The following NXPE1 variants were observed in gnomAD, a reference collection of about 807,000 sequenced individuals.
NXPE1 encodes neurexophilin and PC-esterase domain family member 1, also known as NXPE family member 1.
In NXPE1, 31 loss-of-function variants were observed where a neutral mutation model predicts 33.3. The ratio of observed to expected loss-of-function variants is 0.93; its 90% CI spans 0.70 to 1.26. The LOEUF is 1.26. Ranked by LOEUF, NXPE1 falls within the 50% of genes most tolerant of loss-of-function variation. The pLI is 0.00. For missense variants in NXPE1, 661 were observed against 655.6 expected, an observed-to-expected ratio of 1.01 and a Z score of -0.09; for synonymous variants, 229 against 231.4, an observed-to-expected ratio of 0.99 and a Z score of 0.09.
At chr11:114,554,167 A>G (rs918989607) in intron 1 of NXPE1, 2 of 985,300 alleles carry the variant, frequency 2.0e-6, no homozygotes, top group Non-Finnish European at 2.4e-6. Context: ...AGAGCCCGCT[A>G]GTTGTCTCTT....
At chr11:114,554,171 G>T (rs1203786101) in intron 1 of NXPE1, 2 of 985,208 alleles carry the variant, frequency 2.0e-6, no homozygotes, top group Non-Finnish European at 2.4e-6. Context: ...CCCGCTAGTT[G>T]TCTCTTTCAT....
At chr11:114,558,896 T>C (rs1948716315) in intron 1 of NXPE1, among the ~76,000 whole-genome samples, 1 of 152,206 alleles carries the variant, frequency 6.6e-6, no homozygotes, top group East Asian at 1.9e-4. Flanking sequence ...CAGTTGATTA[T>C]ATGTATAGCT....
chr11:114,524,049 A>G (rs957484452), intron 7 of NXPE1, among the ~76,000 whole-genome samples: 15 of 152,206 alleles, frequency 9.9e-5, no homozygotes, highest in Non-Finnish European at 2.1e-4. Flanking sequence ...TGTTGTGGCT[A>G]TGACATTCTT....
intron 5 of NXPE1, among the ~76,000 whole-genome samples, chr11:114,544,074 A>G (rs1295026999): frequency 1.3e-5 from 2 of 152,228 alleles, no homozygotes; most frequent in African/African-American, 4.8e-5. Flanking sequence ...TTAATGGAAG[A>G]AATTTTAAAA....
chr11:114,527,787 G>T, intron 7 of NXPE1, 53 bp downstream of exon 7: 1 of 1,251,070 alleles, frequency 8.0e-7, no homozygotes, highest in Non-Finnish European at 1.1e-6. Context: ...TTAGGTTAAT[G>T]CTGATAAAAG....
At chr11:114,532,053 C>G (rs1247855806) in intron 5 of NXPE1, among the ~76,000 whole-genome samples, 4 of 152,180 alleles carry the variant, frequency 2.6e-5, no homozygotes, top group African/African-American at 9.7e-5. Context: ...AGAATGATTA[C>G]AGACCAGTAG....
chr11:114,537,424 T>G (rs965123008), intron 5 of NXPE1, among the ~76,000 whole-genome samples: 4 of 152,180 alleles, frequency 2.6e-5, no homozygotes, highest in Non-Finnish European at 4.4e-5. Context: ...TTGGAAGTTC[T>G]GGCCAAGAAA....
intron 7 of NXPE1, 55 bp from the exon 8 acceptor site, chr11:114,523,146 CT>C (rs1457451299): frequency 7.8e-7 from 1 of 1,284,666 alleles, no homozygotes; most frequent in African/African-American, 1.5e-5. Context: ...GACATCTAGC[CT>C]TCTTTCCTGG....
At chr11:114,530,230 T>G in exon 6 of NXPE1, 1 of 1,613,780 alleles carries the variant, frequency 6.2e-7, no homozygotes, top group Non-Finnish European at 8.5e-7. Flanking sequence ...CTATTCCGGG[T>G]GGTCATGTAG....
chr11:114,531,977 C>T lies in NXPE1; in HGVS notation c.100-1069G>A, dbSNP rs565961710. 7.2e-5 allele frequency among the ~76,000 whole-genome samples: 11 copies of T among 152,318 alleles called. No individual in the cohort carries two copies. In the South Asian group the frequency reaches 2.3e-3, roughly 32 times the overall value. ...TAGATCAGCTGATTCATAATCACTA[C>T]ATTATGTTGTCCAGGAGTATGTTTT... On this transcript the variant is annotated intron_variant, in intron 5 of 8. Transcript: ENST00000534921.
chr11:114,527,506 G>T (rs1449458620), intron 7 of NXPE1, among the ~76,000 whole-genome samples: 2 of 152,134 alleles, frequency 1.3e-5, no homozygotes, highest in East Asian at 3.9e-4. Flanking sequence ...CAGAGAGTTA[G>T]GAAACCAAAA....
At chr11:114,557,068 A>G (rs1179408929) in intron 1 of NXPE1, among the ~76,000 whole-genome samples, 4 of 151,666 alleles carry the variant, frequency 2.6e-5, no homozygotes, top group Non-Finnish European at 5.9e-5. Flanking sequence ...AATTTTTTGT[A>G]GTTTTAGTAG....
At chr11:114,535,253 G>C (rs1037073798) in intron 5 of NXPE1, among the ~76,000 whole-genome samples, 1 of 152,142 alleles carries the variant, frequency 6.6e-6, no homozygotes, top group Non-Finnish European at 1.5e-5. Flanking sequence ...TCACCACCAG[G>C]CCTGCCCTAA....
Position 114,523,100 on chromosome 11 carries a change from A to G in NXPE1, c.896-9T>C. The G allele has an allele frequency of 6.3e-7, 1 of 1,597,324 alleles. No homozygotes were observed. The highest frequency in any genetic ancestry group is 1.1e-5 in the South Asian group (1 of 90,568). ...TTCTATTTTTTCTCTCTCTGGTAAC[A>G]AAGACACTCGTAAATGATTTTATTG... On this transcript the variant is annotated splice_polypyrimidine_tract_variant and intron_variant, in intron 7 of 8. Coordinates refer to ENST00000534921, the Ensembl canonical transcript of NXPE1.
downstream of NXPE1, among the ~76,000 whole-genome samples, chr11:114,520,985 G>C (rs1026403411): frequency 6.6e-6 from 1 of 152,184 alleles, no homozygotes; most frequent in Non-Finnish European, 1.5e-5. Context: ...CCATAGTAAA[G>C]TTCCAATCAA....
intron 7 of NXPE1, 110 bp downstream of exon 7, chr11:114,527,730 A>G (rs1024227096): frequency 3.1e-6 from 2 of 640,748 alleles, no homozygotes; most frequent in Non-Finnish European, 5.3e-6. Context: ...CATGATTGAC[A>G]TCATAGACAT....
intron 5 of NXPE1, among the ~76,000 whole-genome samples, chr11:114,541,204 A>G (rs1948088651): frequency 6.6e-6 from 1 of 152,152 alleles, no homozygotes; most frequent in Admixed American, 6.6e-5. Flanking sequence ...CGTGGTTTCC[A>G]CAACATAACA....
At chr11:114,521,746 A>G (rs1947215918) in exon 9 of NXPE1, 1 of 462,308 alleles carries the variant, frequency 2.2e-6, no homozygotes, top group Non-Finnish European at 3.8e-6. Flanking sequence ...AATATTTTAA[A>G]CGAGCATCAG....
intron 1 of NXPE1, among the ~76,000 whole-genome samples, chr11:114,554,601 C>CTTTGTA (rs1344949429): frequency 6.6e-6 from 1 of 152,044 alleles, no homozygotes; most frequent in Non-Finnish European, 1.5e-5. Flanking sequence ...TGCTAAATAA[C>CTTTGTA]AAAATTTAGC....
Sources: allele counts gnomAD v4.1 joint callset (sites outside exome capture counted in the v4.1 genomes callset), GRCh38; gene constraint gnomAD v4.1.1; transcripts MANE v1.5; gene names NCBI Gene and HGNC (gene_info 2026-07-23, HGNC 2026-07-21).